SNTN: variants seen among roughly 807,000 people sequenced by gnomAD.
SNTN encodes the protein sentan.
SNTN carries 13 observed loss-of-function variants against 12.3 expected under a neutral mutation model. The ratio of observed to expected loss-of-function variants is 1.05; its 90% CI spans 0.69 to 1.67. SNTN has a LOEUF of 1.67. SNTN is among the 40% of genes most tolerant of loss of function. The probability of loss-of-function intolerance (pLI) is 0.00; values close to 1 mark genes in which losing one functional copy is unlikely to be tolerated. For synonymous variants in SNTN, 69 were observed against 58.5 expected, an observed-to-expected ratio of 1.18 and a Z score of -0.82; for missense variants, 189 against 169.8, an observed-to-expected ratio of 1.11 and a Z score of -0.63.
Position 63,659,865 on chromosome 3 carries a change from G to A in SNTN, c.285+1G>A. 6.2e-7 allele frequency: 1 copy of A among 1,613,878 alleles called. No individual in the cohort carries two copies. Among genetic ancestry groups the A allele is most frequent in the South Asian group, 1.1e-5 (1 of 91,078 alleles). ...AACCCAATTTAGGAATTTCGCAGAG[G>A]TGAGAGAATTAACTTGCATAAAGAA... On this transcript the variant is annotated splice_donor_variant, in intron 3 of 3. Coordinates refer to ENST00000343837, the MANE Select transcript of SNTN (RefSeq NM_001080537.2). LOFTEE classifies it high-confidence loss of function.
intron 2 of SNTN, among the ~76,000 whole-genome samples, chr3:63,655,534 T>A (rs1700669333): frequency 6.6e-6 from 1 of 152,206 alleles, no homozygotes; most frequent in Admixed American, 6.5e-5. Flanking sequence ...TATGTTTCAA[T>A]AATTTACACA....
intron 2 of SNTN, among the ~76,000 whole-genome samples, chr3:63,655,635 A>T (rs867650268): frequency 2.0e-5 from 3 of 152,230 alleles, no homozygotes; most frequent in Middle Eastern, 3.4e-3. Context: ...CACCTCCACC[A>T]CACACCCACC....
At chr3:63,657,082 CAG>C (rs1177586461) in intron 2 of SNTN, among the ~76,000 whole-genome samples, 1 of 152,158 alleles carries the variant, frequency 6.6e-6, no homozygotes, top group Admixed American at 6.5e-5. Flanking sequence ...TCCAAAAAGT[CAG>C]AGTTTGTTCT....
Position 63,664,176 on chromosome 3 carries a change from A to G in SNTN, c.*81A>G. The G allele has an allele frequency of 7.4e-7, 1 of 1,346,116 alleles. No individual in the cohort carries two copies. Among genetic ancestry groups the G allele is most frequent in the Non-Finnish European group, 1.0e-6 (1 of 998,978 alleles). 83.4% of individuals were successfully genotyped at this position (1,346,116 alleles called of 1,614,324 possible). A position where few individuals can be genotyped will look rare whatever the true frequency, so the allele number is the denominator to read the frequency against. Reference sequence around the variant, plus strand: ...TTCCATCTTATTTTTGATTAATTGAATATATCTATCATGCATCTGAAATTG... The same window carrying G: ...TTCCATCTTATTTTTGATTAATTGAGTATATCTATCATGCATCTGAAATTG... On this transcript the variant is annotated 3_prime_UTR_variant, in exon 4 of 4. Transcript: ENST00000343837.
At chr3:63,661,019 G>A (rs12494382) in intron 3 of SNTN, among the ~76,000 whole-genome samples, 25,931 of 152,028 alleles carry the variant, frequency 0.17, 2,260 homozygotes, top group South Asian at 0.2. Flanking sequence ...TTTCCTTTAT[G>A]TTTTCTCTCT....
At chr3:63,659,934 C>G (rs1700725966) in intron 3 of SNTN, 70 bp downstream of exon 3, 1 of 1,564,018 alleles carries the variant, frequency 6.4e-7, no homozygotes, top group African/African-American at 1.4e-5. Context: ...GCAAATAACT[C>G]CAGCTCCAGG....
chr3:63,654,668 A>T, intron 1 of SNTN, 94 bp from the exon 2 acceptor site: 2 of 1,140,662 alleles, frequency 1.8e-6, no homozygotes, highest in Non-Finnish European at 2.5e-6. Context: ...TACCAAAATA[A>T]ACAATTTTTA....
intron 1 of SNTN, among the ~76,000 whole-genome samples, chr3:63,653,805 C>A (rs1316892763): frequency 6.6e-6 from 1 of 152,214 alleles, no homozygotes; most frequent in East Asian, 1.9e-4. Context: ...CATGTGATTC[C>A]TGTTGCCCTT....
At chr3:63,655,645 C>T (rs931330698) in intron 2 of SNTN, among the ~76,000 whole-genome samples, 1 of 152,086 alleles carries the variant, frequency 6.6e-6, no homozygotes, top group Non-Finnish European at 1.5e-5. Flanking sequence ...ACACACCCAC[C>T]CCTGCCCACG....
intron 2 of SNTN, among the ~76,000 whole-genome samples, chr3:63,655,932 C>T (rs1700674703): frequency 6.6e-6 from 1 of 152,162 alleles, no homozygotes; most frequent in Non-Finnish European, 1.5e-5. Context: ...TTGCCTCTAA[C>T]ACCCAGGGTA....
chr3:63,659,907 C>T (rs1412747016), intron 3 of SNTN, 43 bp downstream of exon 3: 1 of 1,608,440 alleles, frequency 6.2e-7, no homozygotes, highest in South Asian at 1.1e-5. Flanking sequence ...ACTACACCCT[C>T]ATGGCTGACC....
At chr3:63,662,296 C>T (rs1226271125) in intron 3 of SNTN, among the ~76,000 whole-genome samples, 3 of 152,180 alleles carry the variant, frequency 2.0e-5, no homozygotes, top group African/African-American at 7.2e-5. Context: ...GTTGCGTCCC[C>T]TGATAAACTG....
chr3:63,652,924 C>T (rs556332370), intron 1 of SNTN, 127 bp downstream of exon 1: 1 of 745,142 alleles, frequency 1.3e-6, no homozygotes, highest in South Asian at 1.9e-5. Flanking sequence ...CTACCCTAAT[C>T]CGGCTTTAAA....
At position 63,664,219 on chromosome 3, in the gene SNTN, T is replaced by A; in HGVS notation, c.*124T>A. ...TGAAATTGCCTAGGATGGTTCTGAT[T>A]GCTGGTATTCAGATCCAATGTAACT... On this transcript the variant is annotated 3_prime_UTR_variant, in exon 4 of 4. Transcript: ENST00000343837. 1.1e-6 allele frequency: 1 copy of A among 927,780 alleles called. No individual in the cohort carries two copies. Among genetic ancestry groups the A allele is most frequent in the South Asian group, 1.8e-5 (1 of 54,382 alleles). The allele number at this position is 927,780 out of a possible 1,614,324, so 57.5% of individuals were successfully genotyped here.
chr3:63,659,886 A>C, intron 3 of SNTN, 22 bp downstream of exon 3: 5 of 1,613,358 alleles, frequency 3.1e-6, no homozygotes, highest in Non-Finnish European at 4.2e-6. Context: ...AACTTGCATA[A>C]AGAAACAGAA....
Position 63,664,154 on chromosome 3 carries a change from C to A in SNTN, c.*59C>A. On this transcript the variant is annotated 3_prime_UTR_variant, in exon 4 of 4. Coordinates refer to ENST00000343837, the MANE Select transcript of SNTN (RefSeq NM_001080537.2). ...AAAGACAGTGTTATTAAAATGTTTCCATCTTATTTTTGATTAATTGAATAT... is the reference window on the plus strand; with the variant it reads ...AAAGACAGTGTTATTAAAATGTTTCAATCTTATTTTTGATTAATTGAATAT... 2 of 1,453,292 alleles carry A rather than the reference C, an allele frequency of 1.4e-6. No individual in the cohort carries two copies. The highest frequency in any genetic ancestry group is 2.5e-5 in the East Asian group (1 of 40,612). The allele number at this position is 1,453,292 out of a possible 1,614,324, so 90.0% of individuals were successfully genotyped here.
intron 1 of SNTN, 129 bp from the exon 2 acceptor site, chr3:63,654,633 C>T (rs775765692): frequency 2.7e-6 from 2 of 746,966 alleles, no homozygotes; most frequent in Non-Finnish European, 4.3e-6. Context: ...CAGATGGCTG[C>T]TCCACTAAAA....
rs1700777932 is a variant in SNTN, at chr3:63,664,304, C to G, written c.*209C>G. 2 of 505,878 alleles carry G rather than the reference C, an allele frequency of 4.0e-6. No individual in the cohort carries two copies. The highest frequency in any genetic ancestry group is 6.8e-6 in the Non-Finnish European group (2 of 292,614). 31.3% of individuals were successfully genotyped at this position (505,878 alleles called of 1,614,324 possible). On this transcript the variant is annotated 3_prime_UTR_variant, in exon 4 of 4. Coordinates refer to ENST00000343837, the MANE Select transcript of SNTN (RefSeq NM_001080537.2). The stretch of plus-strand genomic sequence containing the variant: ...AATGATAAGGTCTCTGTGTGCTTTA[C>G]AATAGGATAGATTTGATACCACTGA...
Position 63,655,453 on chromosome 3 carries a change from A to T in SNTN, c.145+657A>T, listed in dbSNP as rs531124015. Reference sequence around the variant, plus strand: ...CAAACTCTCCAAAAGAGACTCTGTAATTTTATTTAAATAAATCTCCATCTT... The same window carrying T: ...CAAACTCTCCAAAAGAGACTCTGTATTTTTATTTAAATAAATCTCCATCTT... On this transcript the variant is annotated intron_variant, in intron 2 of 3. Transcript: ENST00000343837. Among the ~76,000 whole-genome samples, 7 of 152,280 alleles carry T rather than the reference A, an allele frequency of 4.6e-5. No individual in the cohort carries two copies. The East Asian group carries it at 1.4e-3, about 29-fold the overall frequency.
Sources: gnomAD v4.1 joint callset for allele counts (sites outside exome capture counted in the v4.1 genomes callset) on GRCh38, gnomAD v4.1.1 for gene constraint, MANE v1.5 for transcripts, NCBI Gene and HGNC (gene_info 2026-07-23, HGNC 2026-07-21) for gene names.